The following SLC25A20 variants were observed in gnomAD, a reference collection of about 807,000 sequenced individuals.
The protein encoded by SLC25A20 is solute carrier family 25 member 20.
Under a neutral mutation model 39.7 loss-of-function variants are expected in SLC25A20, and 29 were observed. The ratio of observed to expected loss-of-function variants is 0.73; its 90% CI spans 0.54 to 1.00. The LOEUF (loss-of-function observed/expected upper bound fraction) is 1.00, where lower values mean the gene tolerates loss of function less well. Among genes scored for constraint, SLC25A20 ranks in the 50% least tolerant of loss-of-function variants. The pLI, the probability that SLC25A20 is intolerant of heterozygous loss-of-function variation, is 0.00. For missense variants in SLC25A20, 333 were observed against 379.9 expected, an observed-to-expected ratio of 0.88 and a Z score of 1.03; for synonymous variants, 103 against 142.2, an observed-to-expected ratio of 0.72 and a Z score of 1.96.
At chr3:48,864,282 A>G (rs2083648800) in intron 4 of SLC25A20, among the ~76,000 whole-genome samples, 1 of 126,924 alleles carries the variant, frequency 7.9e-6, no homozygotes, top group African/African-American at 2.9e-5. Context: ...TGGGAGGCGG[A>G]AGTTGTAGTG....
intron 5 of SLC25A20, 44 bp downstream of exon 5, chr3:48,862,498 G>C: frequency 7.7e-7 from 1 of 1,290,330 alleles, no homozygotes; most frequent in Non-Finnish European, 1.1e-6. Context: ...ACCCACCTCA[G>C]GTGACCTCCC....
intron 5 of SLC25A20, among the ~76,000 whole-genome samples, chr3:48,860,627 A>G (rs2083619059): frequency 6.6e-6 from 1 of 151,008 alleles, no homozygotes. Context: ...AATAATACAA[A>G]AAATACAAAA....
chr3:48,898,820 G>A lies in SLC25A20; in HGVS notation c.-26C>T, dbSNP rs373173513. 3.7e-5 allele frequency: 57 copies of A among 1,548,040 alleles called. No individual in the cohort carries two copies. The highest frequency in any genetic ancestry group is 4.7e-5 in the Non-Finnish European group (54 of 1,143,902). On this transcript the variant is annotated 5_prime_UTR_variant, in exon 1 of 9. Coordinates refer to ENST00000319017, the MANE Select transcript of SLC25A20 (RefSeq NM_000387.6). ...GGTCAGTCCGTCTGTCACTCCGTCT[G>A]TCAGTTCTCGGGCCGTCCTGGCTTC...
rs777903290 is a variant in SLC25A20 at position 48,857,728 on chromosome 3, C to G, written c.888G>C (p.Trp296Cys). The change falls in exon 9 of 9, where the codon TGG becomes TGC. Residue 296 changes from tryptophan (W) to cysteine (C), a missense_variant. Trp to Cys is a radical substitution (Grantham distance 215, BLOSUM62 -2). Coordinates refer to ENST00000319017, the MANE Select transcript of SLC25A20 (RefSeq NM_000387.6). The stretch of plus-strand genomic sequence containing the variant: ...TTCAGCCTCACAAGTTGGGGGTGGC[C>G]CAATTAAGGAACTTCATGGCAACTT... The part of the protein sequence containing the change: ...GFEVAMKFLN[W>C]ATPNL The G allele has an allele frequency of 1.2e-6, 2 of 1,613,788 alleles. No homozygotes were observed. The highest frequency in any genetic ancestry group is 3.3e-5 in the Admixed American group (2 of 59,928).
intron 4 of SLC25A20, among the ~76,000 whole-genome samples, chr3:48,878,568 G>A (rs1000247182): frequency 1.3e-5 from 2 of 151,882 alleles, no homozygotes; most frequent in Non-Finnish European, 2.9e-5. Flanking sequence ...CAGAGGCCGA[G>A]GCAGGTGGAT....
chr3:48,883,303 A>G (rs1457566867), intron 3 of SLC25A20, among the ~76,000 whole-genome samples: 1 of 151,746 alleles, frequency 6.6e-6, no homozygotes, highest in African/African-American at 2.4e-5. Context: ...CTGAAATCCC[A>G]GCACTTTGGG....
chr3:48,884,098 C>T lies in SLC25A20; in HGVS notation c.225G>A (p.Met75Ile). 1 of 1,613,768 alleles carries T rather than the reference C, an allele frequency of 6.2e-7. No individual in the cohort carries two copies. Among genetic ancestry groups the T allele is most frequent in the East Asian group, 2.2e-5 (1 of 44,848 alleles). Residue 75 changes from methionine to isoleucine, a missense_variant, in exon 3 of 9, where the codon ATG (methionine) becomes ATA (isoleucine). Met to Ile is a conservative substitution (Grantham distance 10, BLOSUM62 1). Coordinates refer to ENST00000319017, the MANE Select transcript of SLC25A20 (RefSeq NM_000387.6). ...REGITGLYRGMAAPIIGVTPM... is the reference protein window; with the variant it reads ...REGITGLYRGIAAPIIGVTPM... ...GAGTGACCCCGATGATAGGGGCAGC[C>T]ATTCCCCGATATAGCCCCGTGATGC...
At chr3:48,890,156 A>G (rs1344988182) in intron 2 of SLC25A20, among the ~76,000 whole-genome samples, 1 of 152,146 alleles carries the variant, frequency 6.6e-6, no homozygotes, top group South Asian at 2.1e-4. Flanking sequence ...GCTGTGCTTC[A>G]GTGATCACGC....
intron 3 of SLC25A20, among the ~76,000 whole-genome samples, chr3:48,880,992 T>C (rs1236158721): frequency 2.0e-5 from 3 of 152,182 alleles, no homozygotes. Context: ...CTTCACCTAC[T>C]GTCCTAAGCT....
rs2106665990 is a variant in SLC25A20 at position 48,892,125 on chromosome 3, A to G, written c.106-53T>C. ...CCTACCAGAATCAGAACTGCCTGTC[A>G]GCAGCAATGGCCCAACTGTCTGCCA... On this transcript the variant is annotated intron_variant, in intron 1 of 8. Transcript: ENST00000319017. 4.3e-6 allele frequency: 6 copies of G among 1,388,840 alleles called. No individual in the cohort carries two copies. The South Asian group carries it at 6.9e-5, about 16-fold the overall frequency. 86.0% of individuals were successfully genotyped at this position (1,388,840 alleles called of 1,614,324 possible). A position where few individuals can be genotyped will look rare whatever the true frequency, so the allele number is the denominator to read the frequency against.
intron 4 of SLC25A20, among the ~76,000 whole-genome samples, chr3:48,876,001 A>C (rs1297624619): frequency 2.0e-5 from 3 of 152,156 alleles, no homozygotes; most frequent in Non-Finnish European, 2.9e-5. Context: ...TGGGTGACAG[A>C]CAGCCAGACC....
chr3:48,888,260 T>C (rs57206639), intron 2 of SLC25A20, among the ~76,000 whole-genome samples: 1 of 146,042 alleles, frequency 6.8e-6, no homozygotes, highest in African/African-American at 2.5e-5. Flanking sequence ...TCAAGGACGG[T>C]TGGGCAGGCA....
At chr3:48,879,200 G>T (rs1355322625) in intron 4 of SLC25A20, among the ~76,000 whole-genome samples, 158 bp downstream of exon 4, 2 of 152,018 alleles carry the variant, frequency 1.3e-5, no homozygotes, top group Non-Finnish European at 2.9e-5. Context: ...ATGGGCTCAG[G>T]CAATCCTCAC....
At chr3:48,867,411 A>ATTTTT (rs58122933) in intron 4 of SLC25A20, among the ~76,000 whole-genome samples, 47 of 108,360 alleles carry the variant, frequency 4.3e-4, no homozygotes, top group South Asian at 1.7e-3. Context: ...TGCCTGGGTA[A>ATTTTT]TTTTTTTTTT....
intron 3 of SLC25A20, 113 bp downstream of exon 3, chr3:48,883,884 A>G (rs1208628478): frequency 1.2e-5 from 16 of 1,339,930 alleles, no homozygotes; most frequent in Admixed American, 2.0e-5. Flanking sequence ...TCAGTCTCCC[A>G]AAGTGCTAGG....
intron 5 of SLC25A20, 83 bp from the exon 6 acceptor site, chr3:48,859,710 TTA>T: frequency 1.8e-6 from 2 of 1,106,530 alleles, no homozygotes; most frequent in Non-Finnish European, 2.8e-6. Flanking sequence ...TCTCAGCAAT[TTA>T]GGAGATTGAG....
At position 48,892,066 on chromosome 3, in the gene SLC25A20, G is replaced by T; in HGVS notation, c.112C>A (p.Leu38Met). The change falls in exon 2 of 9, where the codon CTG becomes ATG. Residue 38 changes from leucine to methionine, a missense_variant. Leu to Met is a conservative substitution (Grantham distance 15, BLOSUM62 2). Transcript: ENST00000319017. ...GGCAAACTCGGTGGCTGTGTCTGCA[G>T]TCGGACCTGAAAACAGAAGTTAAAA... ...GHPLDTVKVR[L>M]QTQPPSLPGQ... The T allele has an allele frequency of 6.2e-7, 1 of 1,613,806 alleles. No individual in the cohort carries two copies. The highest frequency in any genetic ancestry group is 8.5e-7 in the Non-Finnish European group (1 of 1,179,730).
intron 2 of SLC25A20, among the ~76,000 whole-genome samples, chr3:48,891,219 C>A (rs542817776): frequency 2.6e-5 from 4 of 152,250 alleles, no homozygotes; most frequent in African/African-American, 9.6e-5. Context: ...GGACTACAGG[C>A]GCATGCCACC....
intron 4 of SLC25A20, among the ~76,000 whole-genome samples, chr3:48,864,727 A>G (rs1166893095): frequency 6.6e-6 from 1 of 152,158 alleles, no homozygotes; most frequent in Non-Finnish European, 1.5e-5. Context: ...ACAGAATCCT[A>G]TCATTGTTAT....
Sources: gnomAD v4.1 joint callset for allele counts (sites outside exome capture counted in the v4.1 genomes callset) on GRCh38, gnomAD v4.1.1 for gene constraint, MANE v1.5 for transcripts, NCBI Gene and HGNC (gene_info 2026-07-23, HGNC 2026-07-21) for gene names.